The following GREB1 variants were observed in gnomAD, a reference collection of about 807,000 sequenced individuals.
The protein encoded by GREB1 is growth regulating estrogen receptor binding 1, also known as protein GREB1.
GREB1 carries 106 observed loss-of-function variants against 200.7 expected under a neutral mutation model. The observed-to-expected ratio is 0.53, with a 90% CI of 0.45 to 0.62. The LOEUF is 0.62. GREB1 is among the 20% of genes least tolerant of loss of function. The probability of loss-of-function intolerance (pLI) is 0.00; values close to 1 mark genes in which losing one functional copy is unlikely to be tolerated. For synonymous variants in GREB1, 1,132 were observed against 1,092.4 expected (o/e 1.04, Z -0.72); for missense variants, 2,243 against 2,556.8 (o/e 0.88, Z 2.65).
intron 1 of GREB1, among the ~76,000 whole-genome samples, chr2:11,550,248 G>T (rs1275934168): frequency 1.3e-5 from 2 of 152,050 alleles, no homozygotes; most frequent in African/African-American, 4.8e-5. Flanking sequence ...AATAATAAAA[G>T]AAAGCTGCTG....
At chr2:11,545,034 C>G (rs552580027) in intron 1 of GREB1, among the ~76,000 whole-genome samples, 69 of 152,060 alleles carry the variant, frequency 4.5e-4, no homozygotes, top group Non-Finnish European at 7.4e-4. Context: ...AGGCTGGTCT[C>G]GAACTCCTGA....
chr2:11,556,249 C>T (rs1676420863), intron 1 of GREB1: 1 of 158,844 alleles, frequency 6.3e-6, no homozygotes, highest in Non-Finnish European at 1.4e-5. Context: ...GGCCATTCGT[C>T]TGCAGGTCAT....
In GREB1 at chr2:11,618,576, C is replaced by T. The variant is rs374686002; in HGVS notation, c.3701C>T (p.Ala1234Val). Reference protein sequence around the residue: ...SSSGSSSSSVAPAAGTWVLQA... With the variant: ...SSSGSSSSSVVPAAGTWVLQA... ...TCGGGCTCATCCTCCTCATCCGTGGCGCCCGCTGCCGGCACGTGGGTCCTG... is the reference window on the plus strand; with the variant it reads ...TCGGGCTCATCCTCCTCATCCGTGGTGCCCGCTGCCGGCACGTGGGTCCTG... The change falls in exon 22 of 33, where the codon GCG becomes GTG. Residue 1234 changes from alanine to valine, a missense_variant. Transcript: ENST00000381486. The T allele has an allele frequency of 1.3e-4, 214 of 1,612,824 alleles. 1 individual carries two copies. The highest frequency in any genetic ancestry group is 2.5e-4 in the South Asian group (23 of 90,966).
chr2:11,566,697 G>A (rs751278200), intron 4 of GREB1, 41 bp downstream of exon 4: 1 of 1,558,002 alleles, frequency 6.4e-7, no homozygotes, highest in South Asian at 1.2e-5. Flanking sequence ...CCTTCTGCAT[G>A]GGGTAGAGCA....
At chr2:11,571,096 A>C (rs7565567) in intron 4 of GREB1, among the ~76,000 whole-genome samples, 19,209 of 152,024 alleles carry the variant, frequency 0.13, 2,367 homozygotes, top group African/African-American at 0.31. Context: ...TTTCTCCATC[A>C]AGGTGGGGAT....
intron 10 of GREB1, chr2:11,592,023 G>C: frequency 1.0e-6 from 1 of 982,698 alleles, no homozygotes; most frequent in Non-Finnish European, 1.2e-6. Context: ...GTAGGAGAAA[G>C]CCTATATTCC....
At chr2:11,619,695 C>A (rs751197226) in intron 22 of GREB1, among the ~76,000 whole-genome samples, 3 of 152,084 alleles carry the variant, frequency 2.0e-5, no homozygotes, top group Non-Finnish European at 4.4e-5. Context: ...GTCGTTGATA[C>A]TTCTTTTTCA....
chr2:11,640,417 A>G lies in GREB1; in HGVS notation c.5813A>G (p.Asp1938Gly), dbSNP rs1685733972. 2.5e-6 allele frequency: 4 copies of G among 1,614,228 alleles called. No individual in the cohort carries two copies. The highest frequency in any genetic ancestry group is 3.4e-6 in the Non-Finnish European group (4 of 1,180,046). ...TTCCAGACCGCCAATGCCAGGGAAG[A>G]CCGGCCGCTCTTTTTTCTGACGGGA... ...DEFQTANARE[D>G]RPLFFLTGRH... Residue 1938 changes from aspartate to glycine, a missense_variant, in exon 33 of 33, where the codon GAC (aspartate) becomes GGC (glycine). Asp to Gly is a moderately conservative substitution (Grantham distance 94). This residue lies in a region of GREB1 where 478 missense variants were observed against 616.3 expected (regional missense o/e 0.78). Coordinates refer to ENST00000381486, the MANE Select transcript of GREB1 (RefSeq NM_014668.4). This position sits in a 1 kb window ranked among gnomAD's most constrained non-coding sequence, Gnocchi z 4.6.
chr2:11,570,954 C>T (rs530229008), intron 4 of GREB1, among the ~76,000 whole-genome samples: 77 of 152,208 alleles, frequency 5.1e-4, no homozygotes, highest in African/African-American at 1.8e-3. Flanking sequence ...AATCCTGGTA[C>T]GGCTCCTTAG....
chr2:11,589,553 A>T (rs1680521020), intron 10 of GREB1, among the ~76,000 whole-genome samples: 1 of 152,188 alleles, frequency 6.6e-6, no homozygotes. Flanking sequence ...CAAGGGTGTG[A>T]TTCTATGTAG....
At chr2:11,589,724 G>C (rs1680540260) in intron 10 of GREB1, among the ~76,000 whole-genome samples, 1 of 152,206 alleles carries the variant, frequency 6.6e-6, no homozygotes, top group Non-Finnish European at 1.5e-5. Context: ...GGCACACAGT[G>C]GCTTGAGCCA....
At chr2:11,602,242 T>C (rs1258321720) in intron 16 of GREB1, among the ~76,000 whole-genome samples, 164 bp from the exon 17 acceptor site, 1 of 152,190 alleles carries the variant, frequency 6.6e-6, no homozygotes, top group Non-Finnish European at 1.5e-5. Context: ...TTTGCTCTGC[T>C]TCTGCAGATG....
rs1162372767 is a variant in GREB1, at chr2:11,585,920, G to T, written c.1159+15G>T. On this transcript the variant is annotated intron_variant, in intron 9 of 32. Coordinates refer to ENST00000381486, the MANE Select transcript of GREB1 (RefSeq NM_014668.4). ...GATATTTAAAGGCAAGTACAGCAGTGCACCGAGTCGTGGGGATGGGAGAAC... is the reference window on the plus strand; with the variant it reads ...GATATTTAAAGGCAAGTACAGCAGTTCACCGAGTCGTGGGGATGGGAGAAC... 5.6e-6 allele frequency: 9 copies of T among 1,608,256 alleles called. No individual in the cohort carries two copies. The Admixed American group carries it at 1.2e-4, about 21-fold the overall frequency.
chr2:11,564,226 G>A (rs1270301365), intron 3 of GREB1, among the ~76,000 whole-genome samples: 2 of 152,190 alleles, frequency 1.3e-5, no homozygotes, highest in Non-Finnish European at 2.9e-5. Flanking sequence ...GTTCTGCCTT[G>A]GGGACTGGAC....
intron 1 of GREB1, among the ~76,000 whole-genome samples, chr2:11,520,062 C>T (rs866969424): frequency 1.3e-5 from 2 of 152,060 alleles, no homozygotes; most frequent in Non-Finnish European, 1.5e-5. Flanking sequence ...CACTTGAGCC[C>T]AGGAGGTCGA....
intron 26 of GREB1, among the ~76,000 whole-genome samples, 163 bp downstream of exon 26, chr2:11,630,272 C>T (rs547790190): frequency 2.7e-4 from 41 of 152,332 alleles, no homozygotes; most frequent in African/African-American, 8.4e-4. Context: ...CACTCCAATT[C>T]AAGCCTCAGC....
chr2:11,591,027 G>A (rs1343087394), intron 10 of GREB1, among the ~76,000 whole-genome samples: 3 of 152,188 alleles, frequency 2.0e-5, no homozygotes, highest in Non-Finnish European at 2.9e-5. Flanking sequence ...ATATTGGAGT[G>A]GGTTAGAGAG....
chr2:11,552,738 G>C (rs144888438), intron 1 of GREB1, among the ~76,000 whole-genome samples: 1 of 151,846 alleles, frequency 6.6e-6, no homozygotes, highest in Non-Finnish European at 1.5e-5. Flanking sequence ...TTGGCCGGGC[G>C]CGGTGGCTCA....
Position 11,595,379 on chromosome 2 carries a change from G to C in GREB1, c.1825G>C (p.Glu609Gln), listed in dbSNP as rs1016649852. 6.2e-7 allele frequency: 1 copy of C among 1,612,906 alleles called. No homozygotes were observed. The highest frequency in any genetic ancestry group is 8.5e-7 in the Non-Finnish European group (1 of 1,179,336). The change falls in exon 12 of 33, where the codon GAG becomes CAG. Residue 609 changes from glutamate to glutamine, a missense_variant and splice_region_variant. Around this residue, in one of 3 missense-constraint regions of GREB1, gnomAD observed 1,178 missense variants for 1,387.4 expected, o/e 0.85. Transcript: ENST00000381486. ...LGAFFSTLCP[E>Q]GDIDILLDKF... ...GGCCTTCTTTAGCACCCTCTGTCCA[G>C]GTAGGCTTGTCGTGAGACAGGTGCA...
Sources: gnomAD v4.1 joint callset for allele counts (sites outside exome capture counted in the v4.1 genomes callset) on GRCh38, gnomAD v4.1.1 for gene constraint, gnomAD v4.1.1 regional missense constraint, Gnocchi (gnomAD v3.1) non-coding constraint, MANE v1.5 for transcripts, NCBI Gene and HGNC (gene_info 2026-07-23, HGNC 2026-07-21) for gene names.